The following FAM20C variants were observed in gnomAD, a reference collection of about 807,000 sequenced individuals.
FAM20C encodes FAM20C golgi associated secretory pathway kinase.
A neutral mutation model predicts 51.5 loss-of-function variants in FAM20C; 40 were observed. The observed-to-expected ratio is 0.78, with a 90% CI of 0.60 to 1.01. FAM20C has a LOEUF of 1.01. FAM20C is among the 50% of genes least tolerant of loss of function. The pLI is 0.00. For synonymous variants in FAM20C, 406 were observed against 380.6 expected (o/e 1.07, Z -0.78); for missense variants, 861 against 844.7 (o/e 1.02, Z -0.24).
Position 209,061 on chromosome 7 carries a change from G to A in FAM20C, c.863+85G>A, listed in dbSNP as rs1786582569. 6 of 1,368,594 alleles carry A rather than the reference G, an allele frequency of 4.4e-6. No homozygotes were observed. In the South Asian group the frequency reaches 5.0e-5, roughly 11 times the overall value. 84.8% of individuals were successfully genotyped at this position (1,368,594 alleles called of 1,614,324 possible). On this transcript the variant is annotated intron_variant, in intron 3 of 9. Coordinates refer to ENST00000313766, the MANE Select transcript of FAM20C (RefSeq NM_020223.4). ...CCGGGCTTCTGCTGGGGATGGCCGTGTCTCCTCCCAGGGTGTTTTGGGGAG... is the reference window on the plus strand; with the variant it reads ...CCGGGCTTCTGCTGGGGATGGCCGTATCTCCTCCCAGGGTGTTTTGGGGAG...
rs543076837 is a variant in FAM20C, at chr7:249,981, C to A, written c.1072+1551C>A. 9.8e-4 allele frequency among the ~76,000 whole-genome samples: 149 copies of A among 152,264 alleles called. 3 individuals are homozygous for A. The South Asian group carries it at 0.017, about 17-fold the overall frequency. ...GCCCTGCAGAATGAAGGGACCCTCA[C>A]CCCAGGAAACCCTGCAGAGCAAGGT... On this transcript the variant is annotated intron_variant, in intron 5 of 9. Transcript: ENST00000313766.
At position 248,463 on chromosome 7, in the gene FAM20C, C is replaced by G. The variant is rs377142273; in HGVS notation, c.1072+33C>G. On this transcript the variant is annotated intron_variant, in intron 5 of 9. Coordinates refer to ENST00000313766, the MANE Select transcript of FAM20C (RefSeq NM_020223.4). ...GGCACGGGGGCCCGCATTCATCTCT[C>G]CAGGTAGCCTGGCACGGGGGCCCGC... 50 of 1,500,070 alleles carry G rather than the reference C, an allele frequency of 3.3e-5. 2 individuals are homozygous for G. Among genetic ancestry groups the G allele is most frequent in the East Asian group, 2.7e-4 (11 of 40,608 alleles). The allele number at this position is 1,500,070 out of a possible 1,614,324, so 92.9% of individuals were successfully genotyped here. A position where few individuals can be genotyped will look rare whatever the true frequency, so the allele number is the denominator to read the frequency against.
chr7:231,176 A>G lies in FAM20C; in HGVS notation c.864-15239A>G, dbSNP rs368165215. ...AAGGCTGGCGTGGCCGACCCCAACCATCATGCAGACGGGAGACAGGAGTGG... is the reference window on the plus strand; with the variant it reads ...AAGGCTGGCGTGGCCGACCCCAACCGTCATGCAGACGGGAGACAGGAGTGG... On this transcript the variant is annotated intron_variant, in intron 3 of 9. Coordinates refer to ENST00000313766, the MANE Select transcript of FAM20C (RefSeq NM_020223.4). 2.6e-5 allele frequency among the ~76,000 whole-genome samples: 4 copies of G among 152,218 alleles called. No homozygotes were observed. In the East Asian group the frequency reaches 7.7e-4, roughly 29 times the overall value.
rs547861600 is a variant in FAM20C at position 260,380 on chromosome 7, G to A, written c.*400G>A. On this transcript the variant is annotated 3_prime_UTR_variant, in exon 10 of 10. Transcript: ENST00000313766. Reference sequence around the variant, plus strand: ...CTCCCTGGTTCTGGGGGCCCCTCAAGGCCAAGCTCACCCCTCAAGTGCTCT... The same window carrying A: ...CTCCCTGGTTCTGGGGGCCCCTCAAAGCCAAGCTCACCCCTCAAGTGCTCT... 22 of 160,642 alleles carry A rather than the reference G, an allele frequency of 1.4e-4. No homozygotes were observed. Among genetic ancestry groups the A allele is most frequent in the Non-Finnish European group, 3.0e-4 (22 of 73,900 alleles). The allele number at this position is 160,642 out of a possible 1,614,324, so 10.0% of individuals were successfully genotyped here. A position where few individuals can be genotyped will look rare whatever the true frequency, so the allele number is the denominator to read the frequency against.
Position 248,315 on chromosome 7 carries a change from G to C in FAM20C, c.957G>C (p.Arg319Ser). 6.5e-7 allele frequency: 1 copy of C among 1,536,232 alleles called. No individual in the cohort carries two copies. The highest frequency in any genetic ancestry group is 2.4e-5 in the East Asian group (1 of 40,894). The change falls in exon 5 of 10, where the codon AGG becomes AGC. Residue 319 changes from arginine to serine, a missense_variant and splice_region_variant. This residue lies in a region of FAM20C where 561 missense variants were observed against 499.8 expected (regional missense o/e 1.12). Transcript: ENST00000313766. ...CCATTCCCCGCCCGTTTCTTGCCAGGATCCTGGACTTCCGCCGGGTCCCTC... is the reference window on the plus strand; with the variant it reads ...CCATTCCCCGCCCGTTTCTTGCCAGCATCCTGGACTTCCGCCGGGTCCCTC... ...NAEIAAFHLD[R>S]ILDFRRVPPV...
In FAM20C at chr7:193,396, G is replaced by T; in HGVS notation, c.197G>T (p.Arg66Leu). The T allele has an allele frequency of 7.2e-7, 1 of 1,392,652 alleles. No individual in the cohort carries two copies. Among genetic ancestry groups the T allele is most frequent in the Non-Finnish European group, 9.4e-7 (1 of 1,061,196 alleles). The allele number at this position is 1,392,652 out of a possible 1,614,324, so 86.3% of individuals were successfully genotyped here. A position where few individuals can be genotyped will look rare whatever the true frequency, so the allele number is the denominator to read the frequency against. The part of the protein sequence containing the change: ...AAPGWAQVRG[R>L]PGEPPAASSA... Reference sequence around the variant, plus strand: ...CCCGGCTGGGCCCAGGTTCGGGGCCGCCCCGGGGAGCCCCCGGCCGCCTCC... The same window carrying T: ...CCCGGCTGGGCCCAGGTTCGGGGCCTCCCCGGGGAGCCCCCGGCCGCCTCC... The change falls in exon 1 of 10, where the codon CGC becomes CTC. Residue 66 changes from arginine to leucine, a missense_variant. Coordinates refer to ENST00000313766, the MANE Select transcript of FAM20C (RefSeq NM_020223.4).
chr7:229,038 C>A (rs1357655891), intron 3 of FAM20C: 7 of 353,646 alleles, frequency 2.0e-5, no homozygotes, highest in East Asian at 7.5e-5. Flanking sequence ...CCCACCCCCC[C>A]ACCACCAAGA....
chr7:209,639 G>T (rs939942893), intron 3 of FAM20C, among the ~76,000 whole-genome samples: 1 of 152,224 alleles, frequency 6.6e-6, no homozygotes, highest in Non-Finnish European at 1.5e-5. Flanking sequence ...GGCCACCCCA[G>T]GAAGGCTGCT....
chr7:209,043 T>C lies in FAM20C; in HGVS notation c.863+67T>C, dbSNP rs1052374524. ...GCTGCAGGCGAGCAGGCGCCGGGCTTCTGCTGGGGATGGCCGTGTCTCCTC... is the reference window on the plus strand; with the variant it reads ...GCTGCAGGCGAGCAGGCGCCGGGCTCCTGCTGGGGATGGCCGTGTCTCCTC... On this transcript the variant is annotated intron_variant, in intron 3 of 9. Coordinates refer to ENST00000313766, the MANE Select transcript of FAM20C (RefSeq NM_020223.4). 6.8e-6 allele frequency: 10 copies of C among 1,480,400 alleles called. No homozygotes were observed. In the African/African-American group the frequency reaches 1.4e-4, roughly 21 times the overall value. The allele number at this position is 1,480,400 out of a possible 1,614,324, so 91.7% of individuals were successfully genotyped here.
rs753562131 is a variant in FAM20C, at chr7:193,253, G to A, written c.54G>A (p.Leu18=). The change falls in exon 1 of 10, where the codon CTG becomes CTA. Residue 18 remains leucine, a synonymous_variant. Transcript: ENST00000313766. The part of the protein sequence containing the change: ...RFRVLILMVF[L]VACALHIALD... ...GCGTGCTCATCCTGATGGTGTTCCT[G>A]GTGGCCTGCGCGCTGCACATCGCCC... 4.8e-6 allele frequency: 7 copies of A among 1,466,826 alleles called. 1 individual carries two copies. The highest frequency in any genetic ancestry group is 4.2e-5 in the Admixed American group (2 of 47,246). The allele number at this position is 1,466,826 out of a possible 1,614,324, so 90.9% of individuals were successfully genotyped here. A position where few individuals can be genotyped will look rare whatever the true frequency, so the allele number is the denominator to read the frequency against.
chr7:233,200 C>T (rs892462179), intron 3 of FAM20C, among the ~76,000 whole-genome samples: 1 of 152,202 alleles, frequency 6.6e-6, no homozygotes, highest in Admixed American at 6.5e-5. Flanking sequence ...TCGCCTGGCC[C>T]GGGGATGCAC....
chr7:228,530 G>A (rs1482778134), intron 3 of FAM20C: 3 of 456,102 alleles, frequency 6.6e-6, no homozygotes, highest in African/African-American at 6.0e-5. Context: ...ACTGCCATGG[G>A]GGCTGTGGAG....
At chr7:245,616 G>A (rs574870689) in intron 3 of FAM20C, among the ~76,000 whole-genome samples, 5 of 152,326 alleles carry the variant, frequency 3.3e-5, no homozygotes, top group South Asian at 2.1e-4. Flanking sequence ...ACGCTTACGC[G>A]CTTACACACT....
intron 2 of FAM20C, among the ~76,000 whole-genome samples, chr7:202,546 T>A (rs371585638): frequency 9.0e-5 from 13 of 143,824 alleles, no homozygotes; most frequent in East Asian, 8.3e-4. Flanking sequence ...TCTTCCCGTG[T>A]GCATAGAGAG....
intron 3 of FAM20C, among the ~76,000 whole-genome samples, chr7:241,072 T>G (rs1787933891): frequency 9.5e-6 from 1 of 104,798 alleles, no homozygotes; most frequent in Non-Finnish European, 2.0e-5. Flanking sequence ...CGGGCTGGGG[T>G]GAGCTTCGGG....
intron 3 of FAM20C, among the ~76,000 whole-genome samples, chr7:233,106 C>A (rs2115122920): frequency 6.6e-6 from 1 of 152,356 alleles, no homozygotes; most frequent in Non-Finnish European, 1.5e-5. Context: ...TCTGCAGACG[C>A]CTCTGTCTCC....
chr7:254,757 G>A lies in FAM20C; in HGVS notation c.1073-1092G>A, dbSNP rs553040549. ...CCCGTACCATGAGCAGGCGGTCACC[G>A]TTCCTCACCCCGCAGCCCTCGACGA... On this transcript the variant is annotated intron_variant, in intron 5 of 9. Coordinates refer to ENST00000313766, the MANE Select transcript of FAM20C (RefSeq NM_020223.4). Among the ~76,000 whole-genome samples the A allele has an allele frequency of 2.5e-4, 38 of 152,292 alleles. No individual in the cohort carries two copies. In the South Asian group the frequency reaches 5.6e-3, roughly 22 times the overall value.
chr7:208,095 C>T (rs1177611512), intron 2 of FAM20C, among the ~76,000 whole-genome samples: 1 of 152,130 alleles, frequency 6.6e-6, no homozygotes, highest in Non-Finnish European at 1.5e-5. Context: ...TCCCCAGAAA[C>T]GCGGGCGGGA....
At chr7:251,790 G>A (rs1224714138) in intron 5 of FAM20C, among the ~76,000 whole-genome samples, 8 of 152,096 alleles carry the variant, frequency 5.3e-5, no homozygotes, top group South Asian at 2.1e-4. Context: ...TATTAGTTGC[G>A]TTTTCCAGGG....
Sources: allele counts gnomAD v4.1 joint callset (sites outside exome capture counted in the v4.1 genomes callset), GRCh38; gene constraint gnomAD v4.1.1; regional missense constraint gnomAD v4.1.1; transcripts MANE v1.5; gene names NCBI Gene and HGNC (gene_info 2026-07-23, HGNC 2026-07-21).